The following MYO9B variants were observed in gnomAD, a reference collection of about 807,000 sequenced individuals.
MYO9B encodes unconventional myosin-IXb.
In MYO9B, 71 loss-of-function variants were observed where a neutral mutation model predicts 229.5. The ratio of observed to expected loss-of-function variants is 0.31; its 90% CI spans 0.26 to 0.38. The LOEUF (loss-of-function observed/expected upper bound fraction) is 0.38, where lower values mean the gene tolerates loss of function less well. Ranked by LOEUF, MYO9B falls within the 10% of genes least tolerant of loss-of-function variation. MYO9B has a pLI of 1.00. For synonymous variants in MYO9B, 1,185 were observed against 1,235.8 expected (o/e 0.96, Z 0.86); for missense variants, 2,255 against 2,920.5 (o/e 0.77, Z 5.25).
rs2057751283 is a variant in MYO9B, at chr19:17,102,158, C to T, written c.441C>T (p.Asp147=). ...ERGLLPRQQA[D]FDDLCNLPEL... ...GCCTCCTGCCACGGCAGCAGGCGGA[C>T]TTTGATGACCTGTGTAACCTCCCCG... Residue 147 remains aspartate (D), a synonymous_variant, in exon 2 of 40, where the codon GAC becomes GAT. Transcript: ENST00000682292. 1 of 1,613,842 alleles carries T rather than the reference C, an allele frequency of 6.2e-7. No homozygotes were observed. Among genetic ancestry groups the T allele is most frequent in the Non-Finnish European group, 8.5e-7 (1 of 1,179,884 alleles).
chr19:17,076,706 C>T (rs188513701), intron 1 of MYO9B, among the ~76,000 whole-genome samples: 3 of 152,228 alleles, frequency 2.0e-5, no homozygotes, highest in East Asian at 1.9e-4. Flanking sequence ...ACCACCCTCC[C>T]CTTAAGACAG....
chr19:17,106,450 A>T (rs1397655186), intron 2 of MYO9B, among the ~76,000 whole-genome samples: 2 of 152,228 alleles, frequency 1.3e-5, no homozygotes, highest in Non-Finnish European at 2.9e-5. Flanking sequence ...TTCTGAGCAG[A>T]GGTAGATGCA....
intron 18 of MYO9B, 96 bp from the exon 19 acceptor site, chr19:17,187,839 C>T: frequency 2.1e-6 from 2 of 968,982 alleles, no homozygotes; most frequent in Admixed American, 2.0e-5. Context: ...TGGGGAAGTG[C>T]CCTCATCTCA....
chr19:17,208,424 A>T (rs775623254), intron 35 of MYO9B, among the ~76,000 whole-genome samples: 84 of 149,452 alleles, frequency 5.6e-4, no homozygotes, highest in South Asian at 2.8e-3. Context: ...CCATTGTACT[A>T]AAACAGAACT....
Position 17,206,105 on chromosome 19 carries a change from C to T in MYO9B, c.5210C>T (p.Ser1737Leu). ...GLYTEGLYRK[S>L]GAANRTRELR... is the part of the protein sequence containing the mutation. Reference sequence around the variant, plus strand: ...TACACCGAGGGCCTCTACCGCAAGTCGGGTGCTGCCAACCGCACTCGGGAG... The same window carrying T: ...TACACCGAGGGCCTCTACCGCAAGTTGGGTGCTGCCAACCGCACTCGGGAG... Residue 1737 changes from serine (S) to leucine (L), a missense_variant, in exon 32 of 40, where the codon TCG (serine) becomes TTG (leucine). Around this residue, in one of 7 missense-constraint regions of MYO9B, gnomAD observed 416 missense variants for 605.5 expected, o/e 0.69. Coordinates refer to ENST00000682292, the MANE Select transcript of MYO9B (RefSeq NM_004145.4). 2 of 1,607,084 alleles carry T rather than the reference C, an allele frequency of 1.2e-6. No individual in the cohort carries two copies. The highest frequency in any genetic ancestry group is 8.5e-7 in the Non-Finnish European group (1 of 1,175,240).
chr19:17,185,298 C>T (rs571822098), intron 17 of MYO9B, among the ~76,000 whole-genome samples: 7 of 150,560 alleles, frequency 4.6e-5, no homozygotes, highest in East Asian at 2.0e-4. Flanking sequence ...GGCATGAACC[C>T]GGGAGGCGGA....
intron 2 of MYO9B, among the ~76,000 whole-genome samples, chr19:17,105,486 C>A (rs114273476): frequency 0.016 from 2,480 of 152,170 alleles, 40 homozygotes; most frequent in East Asian, 0.052. Context: ...CAGAGCGAGA[C>A]CCTGTCCCCC....
chr19:17,194,097 G>A (rs986699758), intron 21 of MYO9B, among the ~76,000 whole-genome samples: 5 of 152,050 alleles, frequency 3.3e-5, no homozygotes, highest in African/African-American at 1.2e-4. Flanking sequence ...ACTTGAACCC[G>A]GGAGGCAGAG....
At chr19:17,167,555 C>T (rs1285293783) in intron 10 of MYO9B, among the ~76,000 whole-genome samples, 4 of 149,188 alleles carry the variant, frequency 2.7e-5, no homozygotes, top group Non-Finnish European at 5.9e-5. Context: ...TCTTGGCTCA[C>T]TGCAACCTCC....
intron 11 of MYO9B, among the ~76,000 whole-genome samples, chr19:17,169,802 CTTTTTTTTTTTTT>C (rs762583073): frequency 9.4e-6 from 1 of 106,588 alleles, no homozygotes; most frequent in African/African-American, 4.1e-5. Flanking sequence ...CTGTCTCCTC[CTTTTTTTTTTTTT>C]TTTTTTTTTT....
intron 34 of MYO9B, 62 bp from the exon 35 acceptor site, chr19:17,207,051 G>T: frequency 6.3e-7 from 1 of 1,584,116 alleles, no homozygotes. Context: ...TTCAGTCTCG[G>T]GGCTCCCTGG....
intron 13 of MYO9B, among the ~76,000 whole-genome samples, chr19:17,175,060 G>T (rs1568285692): frequency 1.3e-5 from 2 of 151,904 alleles, no homozygotes; most frequent in African/African-American, 4.8e-5. Context: ...CTCTCTTGAG[G>T]CCAGCTATTT....
chr19:17,087,500 A>G (rs1420684797), intron 1 of MYO9B, among the ~76,000 whole-genome samples: 1 of 152,172 alleles, frequency 6.6e-6, no homozygotes, highest in African/African-American at 2.4e-5. Flanking sequence ...GGCTGGAGCA[A>G]CCGAAGGGCT....
At chr19:17,095,059 C>T (rs1174322050) in intron 1 of MYO9B, among the ~76,000 whole-genome samples, 4 of 152,082 alleles carry the variant, frequency 2.6e-5, no homozygotes, top group East Asian at 1.9e-4. Context: ...GCCAACATGG[C>T]GAAACTCTGT....
intron 2 of MYO9B, among the ~76,000 whole-genome samples, chr19:17,139,921 A>G (rs113050048): frequency 2.0e-5 from 3 of 152,080 alleles, no homozygotes; most frequent in African/African-American, 7.2e-5. Flanking sequence ...CATGCCTGTA[A>G]TCCCAGCTAT....
chr19:17,184,485 C>T (rs1235077956), intron 16 of MYO9B: 1 of 191,884 alleles, frequency 5.2e-6, no homozygotes, highest in South Asian at 1.2e-4. Flanking sequence ...TGAGCTCATG[C>T]GGATGGCACA....
intron 2 of MYO9B, among the ~76,000 whole-genome samples, chr19:17,127,860 C>T (rs879051688): frequency 1.3e-5 from 2 of 152,206 alleles, no homozygotes; most frequent in Non-Finnish European, 2.9e-5. Flanking sequence ...CCTGCCCCTT[C>T]GCAGAACAAG....
Position 17,102,462 on chromosome 19 carries a change from A to G in MYO9B, c.745A>G (p.Thr249Ala), listed in dbSNP as rs780117704. 2 of 1,613,924 alleles carry G rather than the reference A, an allele frequency of 1.2e-6. No homozygotes were observed. The highest frequency in any genetic ancestry group is 1.7e-6 in the Non-Finnish European group (2 of 1,179,870). The stretch of plus-strand genomic sequence containing the variant: ...GAGCGGCTCCGGCAAGACCCAGAGC[A>G]CCAACTTCCTCATCCACTGCCTCAC... Reference protein sequence around the residue: ...GESGSGKTQSTNFLIHCLTAL... With the variant: ...GESGSGKTQSANFLIHCLTAL... The change falls in exon 2 of 40, where the codon ACC becomes GCC. Residue 249 changes from threonine to alanine, a missense_variant. By Grantham distance (58) the Thr-to-Ala change is moderately conservative. Around this residue, in one of 7 missense-constraint regions of MYO9B, gnomAD observed 386 missense variants for 515.2 expected, o/e 0.75. Coordinates refer to ENST00000682292, the MANE Select transcript of MYO9B (RefSeq NM_004145.4).
chr19:17,125,309 C>CAA (rs1555695571), intron 2 of MYO9B, among the ~76,000 whole-genome samples: 8 of 120,862 alleles, frequency 6.6e-5, no homozygotes, highest in Non-Finnish European at 1.0e-4. Context: ...CCCCCCCCCC[C>CAA]AAAAAAAGGG....
Sources: gnomAD v4.1 joint callset for allele counts (sites outside exome capture counted in the v4.1 genomes callset) on GRCh38, gnomAD v4.1.1 for gene constraint, gnomAD v4.1.1 regional missense constraint, MANE v1.5 for transcripts, NCBI Gene and HGNC (gene_info 2026-07-23, HGNC 2026-07-21) for gene names.